FAM98B: variants seen among roughly 807,000 people sequenced by gnomAD.
FAM98B encodes tRNA splicing ligase complex subunit 3B, also known as tRNA-splicing ligase complex subunit FAM98B.
A neutral mutation model predicts 43.9 loss-of-function variants in FAM98B; 32 were observed. That is an observed-to-expected ratio of 0.73 (90% CI 0.55 to 0.98). FAM98B has a LOEUF of 0.98. Among genes scored for constraint, FAM98B ranks in the 50% least tolerant of loss-of-function variants. FAM98B has a pLI of 0.00. For missense variants in FAM98B, 514 were observed against 522.9 expected (o/e 0.98, Z 0.17); for synonymous variants, 190 against 174.0 (o/e 1.09, Z -0.72).
At position 38,487,164 on chromosome 15, in the gene FAM98B, A is replaced by G. The variant is rs1329378765; in HGVS notation, c.*2505A>G. 1.3e-5 allele frequency: 2 copies of G among 152,206 alleles called. No individual in the cohort carries two copies. The highest frequency in any genetic ancestry group is 6.5e-5 in the Admixed American group (1 of 15,286). 9.4% of individuals were successfully genotyped at this position (152,206 alleles called of 1,614,324 possible). A position where few individuals can be genotyped will look rare whatever the true frequency, so the allele number is the denominator to read the frequency against. Reference sequence around the variant, plus strand: ...CTGTCTATAACATAATCACCACACTATTACTCATAAGCACACATCAAAAGG... The same window carrying G: ...CTGTCTATAACATAATCACCACACTGTTACTCATAAGCACACATCAAAAGG... On this transcript the variant is annotated 3_prime_UTR_variant, in exon 8 of 8. Coordinates refer to ENST00000397609, the MANE Select transcript of FAM98B (RefSeq NM_173611.4).
chr15:38,478,925 C>T (rs751658983), intron 6 of FAM98B, among the ~76,000 whole-genome samples: 4 of 152,032 alleles, frequency 2.6e-5, no homozygotes, highest in Admixed American at 6.6e-5. Flanking sequence ...AAAATTAACT[C>T]TTAATTTTTT....
Position 38,485,810 on chromosome 15 carries a change from G to A in FAM98B, c.*1151G>A. On this transcript the variant is annotated 3_prime_UTR_variant, in exon 8 of 8. Coordinates refer to ENST00000397609, the MANE Select transcript of FAM98B (RefSeq NM_173611.4). ...ACAATTTGTTAAAAACTTACAGAGG[G>A]CCTATTTTGAATGCTTTAAGATGTA... 1 of 152,016 alleles carries A rather than the reference G, an allele frequency of 6.6e-6. No individual in the cohort carries two copies. Among genetic ancestry groups the A allele is most frequent in the East Asian group, 1.9e-4 (1 of 5,194 alleles). 9.4% of individuals were successfully genotyped at this position (152,016 alleles called of 1,614,324 possible). A position where few individuals can be genotyped will look rare whatever the true frequency, so the allele number is the denominator to read the frequency against.
In FAM98B at chr15:38,484,924, T is replaced by A. The variant is rs893846454; in HGVS notation, c.*265T>A. Reference sequence around the variant, plus strand: ...AAACAAAAAAAAGAACAAAAATTATTTTTTAAAATGTAAATATTTATTACC... The same window carrying A: ...AAACAAAAAAAAGAACAAAAATTATATTTTAAAATGTAAATATTTATTACC... On this transcript the variant is annotated 3_prime_UTR_variant, in exon 8 of 8. Transcript: ENST00000397609. 2.6e-6 allele frequency: 1 copy of A among 379,764 alleles called. No homozygotes were observed. Among genetic ancestry groups the A allele is most frequent in the African/African-American group, 2.1e-5 (1 of 47,402 alleles). The allele number at this position is 379,764 out of a possible 1,614,324, so 23.5% of individuals were successfully genotyped here. A position where few individuals can be genotyped will look rare whatever the true frequency, so the allele number is the denominator to read the frequency against.
At chr15:38,470,171 TATTTC>T in intron 3 of FAM98B, 51 bp from the exon 4 acceptor site, 1 of 1,265,228 alleles carries the variant, frequency 7.9e-7, no homozygotes, top group Non-Finnish European at 1.1e-6. Context: ...TTCAGTGAAA[TATTTC>T]AAGAGATTCT....
chr15:38,461,492 GA>G (rs1269722757), intron 1 of FAM98B, among the ~76,000 whole-genome samples: 1 of 151,936 alleles, frequency 6.6e-6, no homozygotes, highest in Non-Finnish European at 1.5e-5. Context: ...TGATTCTACA[GA>G]ATTAGGATAA....
chr15:38,478,591 G>C (rs1227793780), intron 6 of FAM98B, among the ~76,000 whole-genome samples: 1 of 152,052 alleles, frequency 6.6e-6, no homozygotes, highest in African/African-American at 2.4e-5. Flanking sequence ...TGTATTCATA[G>C]ACACTGAGGT....
At chr15:38,483,699 A>G (rs1332581023) in intron 7 of FAM98B, 3 of 99,518 alleles carry the variant, frequency 3.0e-5, no homozygotes, top group African/African-American at 9.0e-5. Context: ...ATATATATAT[A>G]TATATATATA....
intron 1 of FAM98B, among the ~76,000 whole-genome samples, chr15:38,456,108 A>T (rs1889843838): frequency 2.0e-5 from 3 of 152,230 alleles, no homozygotes. Context: ...AAATAAATTA[A>T]TGGGAGGCAT....
intron 1 of FAM98B, chr15:38,458,825 A>C (rs1889895390): frequency 2.1e-6 from 1 of 482,516 alleles, no homozygotes; most frequent in African/African-American, 2.0e-5. Flanking sequence ...GAACAGGTTC[A>C]GCAACTCAGT....
chr15:38,458,498 A>T (rs1447353600), intron 1 of FAM98B, among the ~76,000 whole-genome samples: 1 of 152,162 alleles, frequency 6.6e-6, no homozygotes, highest in Non-Finnish European at 1.5e-5. Context: ...GCCACAGTTC[A>T]TGGCAGAACA....
chr15:38,464,777 T>G (rs1379453455), intron 2 of FAM98B, among the ~76,000 whole-genome samples: 1 of 152,164 alleles, frequency 6.6e-6, no homozygotes, highest in Non-Finnish European at 1.5e-5. Context: ...AGTATCCTTT[T>G]TTTCTTAAGA....
intron 1 of FAM98B, among the ~76,000 whole-genome samples, chr15:38,456,824 A>G (rs1033968005): frequency 6.6e-5 from 10 of 152,202 alleles, no homozygotes; most frequent in African/African-American, 1.2e-4. Context: ...CTGTATTAGA[A>G]GAACTGGAAG....
At chr15:38,460,769 A>G (rs1889934354) in intron 1 of FAM98B, among the ~76,000 whole-genome samples, 1 of 152,178 alleles carries the variant, frequency 6.6e-6, no homozygotes, top group Non-Finnish European at 1.5e-5. Context: ...CAGTTCCGGG[A>G]CAGTTGTTAG....
At chr15:38,462,698 A>T (rs1490334345) in intron 1 of FAM98B, among the ~76,000 whole-genome samples, 1 of 152,198 alleles carries the variant, frequency 6.6e-6, no homozygotes, top group East Asian at 1.9e-4. Context: ...TAAAAATGTA[A>T]AACAAAATAA....
At position 38,486,270 on chromosome 15, in the gene FAM98B, G is replaced by A. The variant is rs1278698618; in HGVS notation, c.*1611G>A. ...AAAAGATGTAATTTCATTTGTGATA[G>A]CTGAAAAAAAGGCTTTCCATAATTA... On this transcript the variant is annotated 3_prime_UTR_variant, in exon 8 of 8. Transcript: ENST00000397609. 4 of 151,482 alleles carry A rather than the reference G, an allele frequency of 2.6e-5. No homozygotes were observed. Among genetic ancestry groups the A allele is most frequent in the African/African-American group, 9.7e-5 (4 of 41,144 alleles). 9.4% of individuals were successfully genotyped at this position (151,482 alleles called of 1,614,324 possible).
chr15:38,484,474 G>A lies in FAM98B; in HGVS notation c.1117G>A (p.Gly373Arg), dbSNP rs1433288999. ...AGGTTGGGGAGGTGGTGGGGGAGGG[G>A]GAGGAGGGTGGGGGGGAGGAGGAGG... ...GGGWGGGGGG[G>R]GGWGGGGGGG... The change falls in exon 8 of 8, where the codon GGA (glycine) becomes AGA (arginine). Residue 373 changes from glycine to arginine, a missense_variant. Transcript: ENST00000397609. 5.7e-6 allele frequency: 4 copies of A among 704,412 alleles called. No individual in the cohort carries two copies. The highest frequency in any genetic ancestry group is 1.7e-4 in the East Asian group (1 of 6,030). 43.6% of individuals were successfully genotyped at this position (704,412 alleles called of 1,614,324 possible).
chr15:38,479,450 T>A (rs186401365), intron 6 of FAM98B, among the ~76,000 whole-genome samples: 2 of 152,302 alleles, frequency 1.3e-5, no homozygotes, highest in Admixed American at 6.5e-5. Flanking sequence ...ATACTTTACA[T>A]TTCCATGGAT....
chr15:38,477,127 G>A lies in FAM98B; in HGVS notation c.729+2829G>A, dbSNP rs150329300. 1.5e-4 allele frequency among the ~76,000 whole-genome samples: 22 copies of A among 151,718 alleles called. No homozygotes were observed. The East Asian group carries it at 2.9e-3, about 20-fold the overall frequency. Reference sequence around the variant, plus strand: ...AGCGTGATCAACATAGCGAGTCACAGTCTCTTAAAACAAAAAGAAAAGAGT... The same window carrying A: ...AGCGTGATCAACATAGCGAGTCACAATCTCTTAAAACAAAAAGAAAAGAGT... On this transcript the variant is annotated intron_variant, in intron 6 of 7. Coordinates refer to ENST00000397609, the MANE Select transcript of FAM98B (RefSeq NM_173611.4).
At chr15:38,482,778 G>A (rs1890302522) in intron 7 of FAM98B, 1 of 152,196 alleles carries the variant, frequency 6.6e-6, no homozygotes. Flanking sequence ...TCTGTGGTGA[G>A]CAGATGACAC....
Sources: allele counts gnomAD v4.1 joint callset (sites outside exome capture counted in the v4.1 genomes callset), GRCh38; gene constraint gnomAD v4.1.1; transcripts MANE v1.5; gene names NCBI Gene and HGNC (gene_info 2026-07-23, HGNC 2026-07-21).